ZFHX3: variants seen among roughly 807,000 people sequenced by gnomAD.
The protein encoded by ZFHX3 is zinc finger homeobox 3.
In ZFHX3, 42 loss-of-function variants were observed where a neutral mutation model predicts 279.1. The observed-to-expected ratio is 0.15, with a 90% CI of 0.12 to 0.19. The LOEUF (loss-of-function observed/expected upper bound fraction) is 0.19, where lower values mean the gene tolerates loss of function less well. Ranked by LOEUF, ZFHX3 falls within the 10% of genes least tolerant of loss-of-function variation. ZFHX3 has a pLI of 1.00. For synonymous variants in ZFHX3, 2,293 were observed against 1,957.8 expected (o/e 1.17, Z -4.52); for missense variants, 4,981 against 4,754.0 (o/e 1.05, Z -1.40).
chr16:73,753,986 A>ATGTGAGTGTGTGTGTGTGTGTGTG (rs2053783741), intron 1 of ZFHX3, among the ~76,000 whole-genome samples: 1 of 147,324 alleles, frequency 6.8e-6, no homozygotes, highest in African/African-American at 2.5e-5. Context: ...GTAAGAATCA[A>ATGTGAGTGTGTGTGTGTGTGTGTG]TGTGTGTGTG....
chr16:73,799,156 G>A (rs909414573), intron 1 of ZFHX3, among the ~76,000 whole-genome samples: 1 of 152,160 alleles, frequency 6.6e-6, no homozygotes, highest in Non-Finnish European at 1.5e-5. Flanking sequence ...GAGGTGAGAT[G>A]AGAAGGCAAC....
At chr16:73,436,408 A>C (rs765441183) in intron 3 of ZFHX3, among the ~76,000 whole-genome samples, 97 of 152,318 alleles carry the variant, frequency 6.4e-4, no homozygotes, top group Non-Finnish European at 1.2e-3. Flanking sequence ...CACGTCTTAC[A>C]TGGCAGCAGA....
chr16:73,602,434 C>T (rs745345003), intron 2 of ZFHX3, among the ~76,000 whole-genome samples: 12 of 152,116 alleles, frequency 7.9e-5, no homozygotes, highest in Non-Finnish European at 1.8e-4. Flanking sequence ...CTTCTTTGGT[C>T]TCATGAGACG....
At chr16:73,291,330 T>G (rs1597265954) in intron 4 of ZFHX3, among the ~76,000 whole-genome samples, 1 of 152,008 alleles carries the variant, frequency 6.6e-6, no homozygotes, top group East Asian at 1.9e-4. Context: ...AAGGCAGGGG[T>G]GAGGAATTCG....
chr16:73,844,715 C>T (rs139535168), intron 1 of ZFHX3, among the ~76,000 whole-genome samples: 2 of 151,332 alleles, frequency 1.3e-5, no homozygotes, highest in African/African-American at 2.4e-5. Context: ...ATAAGTTAGG[C>T]AGACATGTAG....
chr16:73,694,005 T>C (rs2053172475), intron 1 of ZFHX3, among the ~76,000 whole-genome samples: 1 of 141,816 alleles, frequency 7.1e-6, no homozygotes, highest in South Asian at 2.4e-4. Context: ...ATAAACATGA[T>C]GGGGTGTTTC....
chr16:73,683,115 T>G (rs960512267), intron 1 of ZFHX3, among the ~76,000 whole-genome samples: 2 of 152,238 alleles, frequency 1.3e-5, no homozygotes, highest in Non-Finnish European at 2.9e-5. Context: ...TACACATGCC[T>G]TTTATTATAC....
At chr16:73,305,251 G>T (rs1380482507) in intron 4 of ZFHX3, among the ~76,000 whole-genome samples, 1 of 152,084 alleles carries the variant, frequency 6.6e-6, no homozygotes, top group Admixed American at 6.5e-5. Context: ...CACCAGGGGA[G>T]CCTGGAGGAA....
intron 4 of ZFHX3, among the ~76,000 whole-genome samples, chr16:72,863,024 G>T (rs142463530): frequency 6.6e-6 from 1 of 151,958 alleles, no homozygotes; most frequent in Non-Finnish European, 1.5e-5. Flanking sequence ...GTGGAGGATC[G>T]CTTGAGCCCA....
chr16:72,809,186 G>T (rs1033013321), intron 7 of ZFHX3, among the ~76,000 whole-genome samples: 9 of 152,208 alleles, frequency 5.9e-5, no homozygotes, highest in African/African-American at 1.7e-4. Flanking sequence ...ATATATAAAT[G>T]AAATTTTTAC....
intron 7 of ZFHX3, among the ~76,000 whole-genome samples, chr16:73,103,172 G>A (rs989306674): frequency 1.2e-4 from 19 of 152,220 alleles, no homozygotes; most frequent in African/African-American, 3.8e-4. Flanking sequence ...TGATCCACCC[G>A]CTTCCGCCTC....
intron 2 of ZFHX3, among the ~76,000 whole-genome samples, chr16:73,485,853 G>T (rs1370843204): frequency 2.6e-5 from 4 of 152,106 alleles, no homozygotes; most frequent in African/African-American, 7.2e-5. Context: ...GACTTTCTTA[G>T]TCTGGGTGAA....
chr16:73,430,087 G>C (rs1454683293), intron 3 of ZFHX3, among the ~76,000 whole-genome samples: 1 of 151,628 alleles, frequency 6.6e-6, no homozygotes, highest in Non-Finnish European at 1.5e-5. Flanking sequence ...ACAGGGTCTT[G>C]CTATGTTGCC....
intron 7 of ZFHX3, among the ~76,000 whole-genome samples, chr16:73,130,683 C>T (rs1032117868): frequency 4.6e-5 from 7 of 152,244 alleles, no homozygotes; most frequent in South Asian, 2.1e-4. Context: ...TCTCAGCTCA[C>T]GGCAACCTCC....
chr16:73,858,047 T>C (rs1352722658), intron 1 of ZFHX3, among the ~76,000 whole-genome samples: 2 of 150,684 alleles, frequency 1.3e-5, no homozygotes, highest in Non-Finnish European at 2.9e-5. Context: ...AGTGAGCTGA[T>C]ATCAGGCCAC....
intron 2 of ZFHX3, among the ~76,000 whole-genome samples, chr16:73,510,052 C>T (rs575494274): frequency 6.6e-6 from 1 of 152,272 alleles, no homozygotes; most frequent in African/African-American, 2.4e-5. Context: ...ATGAGTTGTT[C>T]CCTTTCCATC....
Position 72,958,858 on chromosome 16 carries a change from A to G in ZFHX3, c.1288T>C (p.Ser430Pro), listed in dbSNP as rs1374170107. The change falls in exon 2 of 10, where the codon TCC becomes CCC. Residue 430 changes from serine to proline, a missense_variant. By Grantham distance (74) the Ser-to-Pro change is moderately conservative. Coordinates refer to ENST00000268489, the MANE Select transcript of ZFHX3 (RefSeq NM_006885.4). ...LGPLASSPTK[S>P]SEGKDSGAAE... is the part of the protein sequence containing the mutation. ...GCCCCAGAGTCCTTGCCCTCTGAGG[A>G]TTTGGTAGGACTGGAAGCCAGAGGC... 6.2e-7 allele frequency: 1 copy of G among 1,613,340 alleles called. No homozygotes were observed. Among genetic ancestry groups the G allele is most frequent in the Non-Finnish European group, 8.5e-7 (1 of 1,179,698 alleles).
At chr16:73,693,412 G>T (rs1050137231) in intron 1 of ZFHX3, among the ~76,000 whole-genome samples, 2 of 152,024 alleles carry the variant, frequency 1.3e-5, no homozygotes, top group Non-Finnish European at 1.5e-5. Context: ...ATTTATAGAA[G>T]ATTCACTTTG....
chr16:72,888,233 G>C (rs906487787), intron 4 of ZFHX3, among the ~76,000 whole-genome samples: 4 of 152,186 alleles, frequency 2.6e-5, no homozygotes, highest in African/African-American at 9.7e-5. Flanking sequence ...ATTATATTAA[G>C]GTTAAAACTG....
Sources: allele counts gnomAD v4.1 joint callset (sites outside exome capture counted in the v4.1 genomes callset), GRCh38; gene constraint gnomAD v4.1.1; transcripts MANE v1.5; gene names NCBI Gene and HGNC (gene_info 2026-07-23, HGNC 2026-07-21).